Variants in IMMP2L observed in about 807,000 individuals in gnomAD.
IMMP2L encodes the protein mitochondrial inner membrane protease subunit 2.
Under a neutral mutation model 19.3 loss-of-function variants are expected in IMMP2L, and 18 were observed. That is an observed-to-expected ratio of 0.93 (90% CI 0.64 to 1.38). The LOEUF is 1.38. Among genes scored for constraint, IMMP2L ranks in the 40% most tolerant of loss-of-function variants. The pLI is 0.00. For synonymous variants in IMMP2L, 76 were observed against 73.0 expected (o/e 1.04, Z -0.21); for missense variants, 233 against 218.2 (o/e 1.07, Z -0.43).
At chr7:110,942,397 G>A (rs2129553133) in intron 4 of IMMP2L, among the ~76,000 whole-genome samples, 1 of 151,904 alleles carries the variant, frequency 6.6e-6, no homozygotes. Context: ...TCTTTTTCAT[G>A]TACAAAGCAT....
At chr7:110,894,979 T>C (rs1292968768) in intron 4 of IMMP2L, among the ~76,000 whole-genome samples, 2 of 152,152 alleles carry the variant, frequency 1.3e-5, no homozygotes, top group Non-Finnish European at 2.9e-5. Context: ...TAAAATTAAT[T>C]TACCCTATGT....
chr7:110,787,110 G>A (rs896950555), intron 5 of IMMP2L, among the ~76,000 whole-genome samples: 1 of 151,864 alleles, frequency 6.6e-6, no homozygotes, highest in East Asian at 1.9e-4. Context: ...AAAACTGAAG[G>A]GAATGTTTTC....
chr7:110,889,762 A>G (rs764768413), intron 4 of IMMP2L, among the ~76,000 whole-genome samples: 2 of 152,170 alleles, frequency 1.3e-5, no homozygotes, highest in African/African-American at 2.4e-5. Context: ...CTTACTTAAC[A>G]TTTTCAAGCT....
chr7:110,815,702 T>G (rs1802441695), intron 5 of IMMP2L, among the ~76,000 whole-genome samples: 1 of 152,162 alleles, frequency 6.6e-6, no homozygotes. Flanking sequence ...TGGGAGGGTG[T>G]ATGTGTCGAG....
intron 3 of IMMP2L, among the ~76,000 whole-genome samples, chr7:111,095,213 A>T (rs2129578574): frequency 1.3e-5 from 2 of 152,130 alleles, no homozygotes; most frequent in African/African-American, 4.8e-5. Flanking sequence ...AGCTAGTCTA[A>T]TATGTTCATT....
chr7:111,498,851 G>C (rs1843855787), intron 2 of IMMP2L, among the ~76,000 whole-genome samples: 1 of 152,016 alleles, frequency 6.6e-6, no homozygotes, highest in Admixed American at 6.6e-5. Context: ...TTTGGTACCT[G>C]GGTACCCTAA....
chr7:111,104,901 G>T (rs1338670758), intron 3 of IMMP2L, among the ~76,000 whole-genome samples: 1 of 151,694 alleles, frequency 6.6e-6, no homozygotes, highest in South Asian at 2.1e-4. Flanking sequence ...GAGAGAAGGG[G>T]ACAGTCTCTC....
chr7:111,430,432 C>A (rs1345891040), intron 3 of IMMP2L, among the ~76,000 whole-genome samples: 1 of 151,324 alleles, frequency 6.6e-6, no homozygotes, highest in Non-Finnish European at 1.5e-5. Context: ...GCCTTTTAGC[C>A]TTCTTTAACT....
chr7:110,863,258 A>T (rs1807634586), intron 5 of IMMP2L, among the ~76,000 whole-genome samples: 1 of 152,064 alleles, frequency 6.6e-6, no homozygotes, highest in Admixed American at 6.6e-5. Flanking sequence ...CATGTTGGTC[A>T]TGGGTCACGG....
intron 3 of IMMP2L, among the ~76,000 whole-genome samples, chr7:111,327,773 AAG>A (rs1380032625): frequency 6.6e-6 from 1 of 151,640 alleles, no homozygotes; most frequent in East Asian, 1.9e-4. Context: ...AGTAGAAAGA[AAG>A]AGAGCCATAA....
chr7:111,509,613 G>T (rs888248601), intron 2 of IMMP2L, among the ~76,000 whole-genome samples: 40 of 152,226 alleles, frequency 2.6e-4, no homozygotes, highest in African/African-American at 9.6e-4. Flanking sequence ...TGCACATAAT[G>T]ATAGTAATTA....
chr7:111,086,948 A>C (rs2129577208), intron 3 of IMMP2L, among the ~76,000 whole-genome samples: 1 of 152,334 alleles, frequency 6.6e-6, no homozygotes, highest in African/African-American at 2.4e-5. Context: ...TGCTGACTAT[A>C]TTGCATTGGT....
intron 3 of IMMP2L, among the ~76,000 whole-genome samples, chr7:111,403,000 C>CCT (rs1554484400): frequency 1.9e-5 from 2 of 104,018 alleles, no homozygotes; most frequent in Admixed American, 8.6e-5. Flanking sequence ...GACCCCCCCC[C>CCT]CCCACCCCGC....
chr7:111,475,355 A>G (rs1220439321), intron 3 of IMMP2L, among the ~76,000 whole-genome samples: 1 of 151,906 alleles, frequency 6.6e-6, no homozygotes, highest in Non-Finnish European at 1.5e-5. Context: ...TCCCTTTCTT[A>G]TCAGCTACCG....
rs183577372 is a variant in IMMP2L at position 111,012,142 on chromosome 7, G to A, written c.240-48577C>T. The stretch of plus-strand genomic sequence containing the variant: ...AGCTGAAATGTAATGCAGATCAAAG[G>A]TACAGGGATAAAATAAATTTCTATG... On this transcript the variant is annotated intron_variant, in intron 3 of 5. Transcript: ENST00000405709. 2.0e-5 allele frequency among the ~76,000 whole-genome samples: 3 copies of A among 152,162 alleles called. No individual in the cohort carries two copies. The East Asian group carries it at 5.8e-4, about 29-fold the overall frequency.
chr7:110,727,637 C>A lies in IMMP2L; in HGVS notation c.409-63916G>T, dbSNP rs977236409. Among the ~76,000 whole-genome samples, 1 of 151,700 alleles carries A rather than the reference C, an allele frequency of 6.6e-6. No individual in the cohort carries two copies. The highest frequency in any genetic ancestry group is 1.9e-4 in the East Asian group (1 of 5,152). ...TCCTTTCCCCACTGCAGGTTTCCTG[C>A]CTCAAGGAGAGAAGCTTTAACTTTA... On this transcript the variant is annotated intron_variant, in intron 5 of 5. Coordinates refer to ENST00000405709, the MANE Select transcript of IMMP2L (RefSeq NM_032549.4). The surrounding 1 kb of genome is among the most constrained non-coding windows in gnomAD (Gnocchi z 4.3).
At chr7:110,986,428 A>G (rs1032582764) in intron 3 of IMMP2L, among the ~76,000 whole-genome samples, 1 of 152,064 alleles carries the variant, frequency 6.6e-6, no homozygotes, top group African/African-American at 2.4e-5. Flanking sequence ...AGGCATATTT[A>G]CCTTTTTTAA....
At chr7:111,112,005 T>C (rs895623667) in intron 3 of IMMP2L, among the ~76,000 whole-genome samples, 1 of 140,222 alleles carries the variant, frequency 7.1e-6, no homozygotes, top group African/African-American at 2.7e-5. Flanking sequence ...TGGAGTGCAG[T>C]GGTGCGATCT....
chr7:110,892,642 T>C (rs1810923338), intron 4 of IMMP2L, among the ~76,000 whole-genome samples: 1 of 152,094 alleles, frequency 6.6e-6, no homozygotes, highest in African/African-American at 2.4e-5. Flanking sequence ...TACGTTGTAA[T>C]GAAATTGTAG....
Sources: gnomAD v4.1 joint callset for allele counts (sites outside exome capture counted in the v4.1 genomes callset) on GRCh38, gnomAD v4.1.1 for gene constraint, Gnocchi (gnomAD v3.1) non-coding constraint, MANE v1.5 for transcripts, NCBI Gene and HGNC (gene_info 2026-07-23, HGNC 2026-07-21) for gene names.